NEGR1: variants seen among roughly 807,000 people sequenced by gnomAD.
NEGR1 encodes IgLON family member 4.
Under a neutral mutation model 40.9 loss-of-function variants are expected in NEGR1, and 10 were observed. The observed-to-expected ratio is 0.24, with a 90% CI of 0.15 to 0.42. NEGR1 has a LOEUF of 0.42. Ranked by LOEUF, NEGR1 falls within the 10% of genes least tolerant of loss-of-function variation. NEGR1 has a pLI of 1.00. For missense variants in NEGR1, 352 were observed against 438.9 expected, an observed-to-expected ratio of 0.80 and a Z score of 1.77; for synonymous variants, 185 against 166.8, an observed-to-expected ratio of 1.11 and a Z score of -0.84.
intron 6 of NEGR1, among the ~76,000 whole-genome samples, chr1:71,531,862 A>G (rs1647366871): frequency 6.6e-6 from 1 of 151,394 alleles, no homozygotes; most frequent in Non-Finnish European, 1.5e-5. Flanking sequence ...GGTAATTCAT[A>G]ATCATCTAAA....
intron 4 of NEGR1, among the ~76,000 whole-genome samples, chr1:71,613,715 C>T (rs776651086): frequency 7.9e-5 from 12 of 151,520 alleles, no homozygotes; most frequent in Non-Finnish European, 1.3e-4. Context: ...TGCGTCTTTT[C>T]ATAAATATTT....
intron 1 of NEGR1, chr1:72,274,486 G>T: frequency 1.6e-6 from 1 of 617,432 alleles, no homozygotes; most frequent in South Asian, 1.9e-5. Flanking sequence ...TAGCTACACT[G>T]ATTAAAAGAT....
intron 4 of NEGR1, among the ~76,000 whole-genome samples, chr1:71,654,730 A>G (rs987955256): frequency 2.0e-5 from 3 of 152,206 alleles, no homozygotes; most frequent in African/African-American, 7.2e-5. Flanking sequence ...TTCTGACAGA[A>G]ATGACAAGTG....
chr1:72,092,298 C>A (rs1648530187), intron 1 of NEGR1, among the ~76,000 whole-genome samples: 1 of 152,088 alleles, frequency 6.6e-6, no homozygotes. Context: ...AGTTTAATAG[C>A]AACTTTCAGT....
chr1:72,261,675 T>C (rs1204216051), intron 1 of NEGR1, among the ~76,000 whole-genome samples: 1 of 152,060 alleles, frequency 6.6e-6, no homozygotes, highest in Non-Finnish European at 1.5e-5. Context: ...GGTAGTGGGA[T>C]ACTACTCAGC....
chr1:71,496,631 A>G (rs1042009819), intron 6 of NEGR1, among the ~76,000 whole-genome samples: 1 of 152,088 alleles, frequency 6.6e-6, no homozygotes, highest in Non-Finnish European at 1.5e-5. Flanking sequence ...TTCAGAAAGA[A>G]AAACATCTCA....
chr1:71,960,292 T>C (rs1158770418), intron 1 of NEGR1, among the ~76,000 whole-genome samples: 1 of 152,144 alleles, frequency 6.6e-6, no homozygotes, highest in African/African-American at 2.4e-5. Context: ...GGGAAAAAAA[T>C]TGTGTTTGCC....
chr1:71,996,781 T>G lies in NEGR1; in HGVS notation c.177-61470A>C, dbSNP rs546372563. Among the ~76,000 whole-genome samples the G allele has an allele frequency of 1.8e-3, 280 of 152,214 alleles. 3 individuals are homozygous for G. Among genetic ancestry groups the G allele is most frequent in the African/African-American group, 6.7e-3 (278 of 41,568 alleles). ...ATGATCTTTGCTTTCGAGAACTTTC[T>G]TTGTCGTACACACCTTTCACTTTTT... On this transcript the variant is annotated intron_variant, in intron 1 of 6. Transcript: ENST00000357731.
In NEGR1 at chr1:71,992,202, G is replaced by A. The variant is rs1275490498; in HGVS notation, c.177-56891C>T. 2.0e-5 allele frequency among the ~76,000 whole-genome samples: 3 copies of A among 152,004 alleles called. No individual in the cohort carries two copies. The East Asian group carries it at 5.8e-4, about 29-fold the overall frequency. ...ATATTATGAGTATTATTTAAAAATT[G>A]TGTATTTCATATACATCATATTCAT... is the stretch of plus-strand genomic sequence containing the variant. On this transcript the variant is annotated intron_variant, in intron 1 of 6. Transcript: ENST00000357731.
intron 6 of NEGR1, among the ~76,000 whole-genome samples, chr1:71,590,498 T>C (rs1428112865): frequency 6.6e-6 from 1 of 151,976 alleles, no homozygotes; most frequent in Non-Finnish European, 1.5e-5. Context: ...CCCTTTTCTT[T>C]CCAACATCTA....
At chr1:72,015,714 T>G (rs149856347) in intron 1 of NEGR1, among the ~76,000 whole-genome samples, 1 of 152,110 alleles carries the variant, frequency 6.6e-6, no homozygotes, top group Non-Finnish European at 1.5e-5. Flanking sequence ...TTAGGTATTT[T>G]GCTAGTTGTT....
chr1:71,975,921 A>T (rs941193104), intron 1 of NEGR1, among the ~76,000 whole-genome samples: 2 of 152,216 alleles, frequency 1.3e-5, no homozygotes, highest in Admixed American at 1.3e-4. Flanking sequence ...AGCACCAGTT[A>T]TTTGGAGAGA....
chr1:71,714,296 G>T (rs1654202831), intron 3 of NEGR1, among the ~76,000 whole-genome samples: 1 of 152,110 alleles, frequency 6.6e-6, no homozygotes, highest in South Asian at 2.1e-4. Flanking sequence ...CTTTACACCT[G>T]GGGATTATTA....
intron 2 of NEGR1, among the ~76,000 whole-genome samples, chr1:71,897,490 A>G (rs1402418545): frequency 6.6e-6 from 1 of 152,202 alleles, no homozygotes. Context: ...AGTCACTTCT[A>G]TATTTATAAC....
At chr1:71,858,118 T>G (rs191069345) in intron 2 of NEGR1, among the ~76,000 whole-genome samples, 5 of 152,114 alleles carry the variant, frequency 3.3e-5, no homozygotes, top group African/African-American at 9.7e-5. Flanking sequence ...TTATCATCAC[T>G]GGTCACTCTC....
chr1:71,547,132 G>A (rs1197184966), intron 6 of NEGR1, among the ~76,000 whole-genome samples: 1 of 151,708 alleles, frequency 6.6e-6, no homozygotes, highest in Non-Finnish European at 1.5e-5. Flanking sequence ...CTTCCAGAAA[G>A]TTTTGATGTT....
At chr1:72,087,356 G>A (rs112031080) in intron 1 of NEGR1, among the ~76,000 whole-genome samples, 2,335 of 151,976 alleles carry the variant, frequency 0.015, 57 homozygotes, top group African/African-American at 0.053. Flanking sequence ...GCTTGAACCC[G>A]GGAGGCGGAG....
chr1:72,072,193 A>G (rs1647494013), intron 1 of NEGR1, among the ~76,000 whole-genome samples: 1 of 152,006 alleles, frequency 6.6e-6, no homozygotes. Flanking sequence ...ATCTTTTGTA[A>G]TCCTATTATA....
intron 3 of NEGR1, among the ~76,000 whole-genome samples, chr1:71,761,567 A>G (rs1028148741): frequency 1.3e-5 from 2 of 152,282 alleles, no homozygotes; most frequent in Admixed American, 1.3e-4. Flanking sequence ...AAAAACATAG[A>G]AAATACTGCT....
Sources: allele counts gnomAD v4.1 joint callset (sites outside exome capture counted in the v4.1 genomes callset), GRCh38; gene constraint gnomAD v4.1.1; transcripts MANE v1.5; gene names NCBI Gene and HGNC (gene_info 2026-07-23, HGNC 2026-07-21).